TMPRSS11F: variants seen among roughly 807,000 people sequenced by gnomAD.
TMPRSS11F encodes the protein transmembrane serine protease 11F, also known as transmembrane protease serine 11F.
Under a neutral mutation model 60.2 loss-of-function variants are expected in TMPRSS11F, and 47 were observed. The ratio of observed to expected loss-of-function variants is 0.78; its 90% CI spans 0.62 to 1.00. TMPRSS11F has a LOEUF of 1.00. Ranked by LOEUF, TMPRSS11F falls within the 50% of genes least tolerant of loss-of-function variation. The pLI is 0.00. For missense variants in TMPRSS11F, 519 were observed against 522.9 expected, an observed-to-expected ratio of 0.99 and a Z score of 0.07; for synonymous variants, 166 against 167.3, an observed-to-expected ratio of 0.99 and a Z score of 0.06.
intron 3 of TMPRSS11F, among the ~76,000 whole-genome samples, chr4:68,074,395 TG>T (rs1291781980): frequency 6.6e-6 from 1 of 152,254 alleles, no homozygotes; most frequent in Admixed American, 6.5e-5. Flanking sequence ...TTTTAAATAC[TG>T]TCAAGTAAAT....
intron 1 of TMPRSS11F, among the ~76,000 whole-genome samples, chr4:68,129,471 C>T (rs1419198784): frequency 1.3e-5 from 2 of 151,968 alleles, no homozygotes; most frequent in Non-Finnish European, 2.9e-5. Flanking sequence ...TGCTATGGAA[C>T]ATGGAAAAGT....
chr4:68,123,551 T>C (rs1200569824), intron 1 of TMPRSS11F, among the ~76,000 whole-genome samples: 1 of 152,210 alleles, frequency 6.6e-6, no homozygotes, highest in Non-Finnish European at 1.5e-5. Flanking sequence ...AAATTGATCT[T>C]TCCTTTACCT....
At chr4:68,123,976 T>C (rs985933318) in intron 1 of TMPRSS11F, among the ~76,000 whole-genome samples, 8 of 152,130 alleles carry the variant, frequency 5.3e-5, no homozygotes, top group Non-Finnish European at 1.0e-4. Context: ...ATCCTAGCAC[T>C]CTGGGAGGCG....
At chr4:68,077,340 C>A (rs1337558809) in intron 3 of TMPRSS11F, 1 of 152,238 alleles carries the variant, frequency 6.6e-6, no homozygotes, top group African/African-American at 2.4e-5. Context: ...GATTCTAACC[C>A]TCTAAGTTCC....
At chr4:68,078,996 C>T (rs1466644848) in intron 3 of TMPRSS11F, among the ~76,000 whole-genome samples, 1 of 149,696 alleles carries the variant, frequency 6.7e-6, no homozygotes, top group African/African-American at 2.4e-5. Flanking sequence ...AGATTCAATT[C>T]AAACTAAAAT....
intron 1 of TMPRSS11F, among the ~76,000 whole-genome samples, chr4:68,110,590 T>C (rs1339458485): frequency 1.3e-5 from 2 of 152,194 alleles, no homozygotes; most frequent in Admixed American, 6.5e-5. Flanking sequence ...AGCAGTATGA[T>C]TGTAGGCAAG....
chr4:68,123,313 T>C (rs1724656742), intron 1 of TMPRSS11F, among the ~76,000 whole-genome samples: 1 of 152,172 alleles, frequency 6.6e-6, no homozygotes, highest in African/African-American at 2.4e-5. Context: ...AAGAATTAGT[T>C]GCCCAAAAAG....
chr4:68,106,264 G>T (rs984424276), intron 1 of TMPRSS11F, among the ~76,000 whole-genome samples: 1 of 152,192 alleles, frequency 6.6e-6, no homozygotes, highest in East Asian at 1.9e-4. Flanking sequence ...CCCTTTGGGA[G>T]ATCTCTTTCT....
intron 5 of TMPRSS11F, among the ~76,000 whole-genome samples, chr4:68,070,961 G>A (rs1465048268): frequency 6.6e-6 from 1 of 151,982 alleles, no homozygotes; most frequent in Non-Finnish European, 1.5e-5. Flanking sequence ...AGTTATTTTG[G>A]TATTAAAACA....
intron 1 of TMPRSS11F, among the ~76,000 whole-genome samples, chr4:68,107,024 C>T (rs1025040191): frequency 5.3e-5 from 8 of 152,228 alleles, no homozygotes; most frequent in Non-Finnish European, 1.0e-4. Flanking sequence ...ATAGCAGTCA[C>T]ACAAGTAACA....
intron 2 of TMPRSS11F, among the ~76,000 whole-genome samples, chr4:68,091,040 A>T (rs1023130486): frequency 2.0e-5 from 3 of 152,178 alleles, no homozygotes; most frequent in Admixed American, 6.6e-5. Context: ...AAGCTGTCAA[A>T]TTTTTTTATG....
intron 3 of TMPRSS11F, among the ~76,000 whole-genome samples, chr4:68,078,189 A>G (rs965917260): frequency 1.3e-5 from 2 of 152,150 alleles, no homozygotes; most frequent in Admixed American, 6.5e-5. Context: ...AGAGGGGCCA[A>G]AACCTCTTAT....
chr4:68,112,032 A>G (rs1206159856), intron 1 of TMPRSS11F, among the ~76,000 whole-genome samples: 1 of 152,186 alleles, frequency 6.6e-6, no homozygotes, highest in Non-Finnish European at 1.5e-5. Context: ...GCAGCAATCC[A>G]TCAGACACTC....
At chr4:68,114,871 A>G (rs1488830326) in intron 1 of TMPRSS11F, among the ~76,000 whole-genome samples, 2 of 151,914 alleles carry the variant, frequency 1.3e-5, no homozygotes, top group African/African-American at 4.8e-5. Context: ...AAAACCAATC[A>G]GTATAACTCA....
At chr4:68,059,498 A>C (rs1263797641) in intron 8 of TMPRSS11F, 30 bp from the exon 9 acceptor site, 3 of 1,602,022 alleles carry the variant, frequency 1.9e-6, no homozygotes, top group Non-Finnish European at 2.6e-6. Context: ...AAAAACAAAT[A>C]AACAGTATTC....
In TMPRSS11F at chr4:68,091,757, C is replaced by CTATCTATCTATCTATCTA. The variant is rs1247094446; in HGVS notation, c.164-1117_164-1116insTAGATAGATAGATAGATA. 1.5e-3 allele frequency among the ~76,000 whole-genome samples: 164 copies of CTATCTATCTATCTATCTA among 106,586 alleles called. 1 individual carries two copies. Among genetic ancestry groups the CTATCTATCTATCTATCTA allele is most frequent in the African/African-American group, 5.6e-3 (141 of 25,112 alleles). The allele number at this position is 106,586 out of a possible 152,430, so 69.9% of individuals were successfully genotyped here. Reference sequence around the variant, plus strand: ...CCCATTTAATCTCTAATCTCTCTCTCTCTCTCTCTCTCTCTCTCTCTCTCT... The same window carrying CTATCTATCTATCTATCTA: ...CCCATTTAATCTCTAATCTCTCTCTCTATCTATCTATCTATCTATCTCTCTCTCTCTCTCTCTCTCTCT... On this transcript the variant is annotated intron_variant, in intron 2 of 9. Coordinates refer to ENST00000356291, the MANE Select transcript of TMPRSS11F (RefSeq NM_207407.2).
chr4:68,113,075 C>A (rs970363823), intron 1 of TMPRSS11F, among the ~76,000 whole-genome samples: 4 of 151,960 alleles, frequency 2.6e-5, no homozygotes, highest in Admixed American at 2.6e-4. Flanking sequence ...CAAAATTCAT[C>A]AAAAAAGAGC....
chr4:68,055,562 A>G (rs1319195038), intron 9 of TMPRSS11F, among the ~76,000 whole-genome samples: 1 of 152,144 alleles, frequency 6.6e-6, no homozygotes, highest in Non-Finnish European at 1.5e-5. Context: ...AATAAGTAAG[A>G]ATACTGAATC....
intron 8 of TMPRSS11F, among the ~76,000 whole-genome samples, chr4:68,060,279 G>A (rs528832492): frequency 2.2e-4 from 34 of 151,334 alleles, no homozygotes; most frequent in East Asian, 5.8e-4. Flanking sequence ...AAGCGGAGGC[G>A]GGCGGATCAT....
Sources: allele counts gnomAD v4.1 joint callset (sites outside exome capture counted in the v4.1 genomes callset), GRCh38; gene constraint gnomAD v4.1.1; transcripts MANE v1.5; gene names NCBI Gene and HGNC (gene_info 2026-07-23, HGNC 2026-07-21).